The following ZBTB20 variants were observed in gnomAD, a reference collection of about 807,000 sequenced individuals.
ZBTB20 encodes zinc finger and BTB domain containing 20.
In ZBTB20, 9 loss-of-function variants were observed where a neutral mutation model predicts 56.9. That is an observed-to-expected ratio of 0.16 (90% CI 0.10 to 0.28). The LOEUF (loss-of-function observed/expected upper bound fraction) is 0.28. Ranked by LOEUF, ZBTB20 falls within the 10% of genes least tolerant of loss-of-function variation. The probability of loss-of-function intolerance (pLI) is 1.00; values close to 1 mark genes in which losing one functional copy is unlikely to be tolerated. For missense variants in ZBTB20, 655 were observed against 1,003.0 expected, an observed-to-expected ratio of 0.65 and a Z score of 4.69; for synonymous variants, 417 against 420.7, an observed-to-expected ratio of 0.99 and a Z score of 0.11.
At chr3:115,070,769 C>T (rs6796518) in intron 2 of ZBTB20, among the ~76,000 whole-genome samples, 36,459 of 151,738 alleles carry the variant, frequency 0.24, 4,685 homozygotes, top group Middle Eastern at 0.32. Flanking sequence ...CATAAGAAGA[C>T]TCCTACCCAA....
chr3:114,943,973 T>C (rs1297792702), intron 3 of ZBTB20, among the ~76,000 whole-genome samples: 1 of 138,386 alleles, frequency 7.2e-6, no homozygotes, highest in African/African-American at 3.0e-5. Context: ...AAAAAGGCAA[T>C]CTCAAAATAG....
intron 7 of ZBTB20, among the ~76,000 whole-genome samples, chr3:114,498,250 G>T (rs1044767705): frequency 1.3e-5 from 2 of 152,184 alleles, no homozygotes; most frequent in Non-Finnish European, 2.9e-5. Flanking sequence ...AATGGAATGG[G>T]AAATTCTTGG....
chr3:114,501,702 T>C (rs1306458160), intron 6 of ZBTB20, among the ~76,000 whole-genome samples: 5 of 149,754 alleles, frequency 3.3e-5, no homozygotes, highest in African/African-American at 1.2e-4. Context: ...CTTTGTTTTT[T>C]TTTCTTTCTT....
At chr3:114,817,192 TAC>T (rs56294507) in intron 4 of ZBTB20, among the ~76,000 whole-genome samples, 16,438 of 145,632 alleles carry the variant, frequency 0.11, 1,064 homozygotes, top group Non-Finnish European at 0.14. Context: ...ATACAACTTA[TAC>T]ACACACACAC....
rs1249667356 is a variant in ZBTB20 at position 114,325,327 on chromosome 3, G to A, written c.*13678C>T. ...AAGGAGAGCAAGAGCAGAGTAACTAGCCTTTGTTTTCAAAGATTCCCCTAG... is the reference window on the plus strand; with the variant it reads ...AAGGAGAGCAAGAGCAGAGTAACTAACCTTTGTTTTCAAAGATTCCCCTAG... On this transcript the variant is annotated 3_prime_UTR_variant, in exon 12 of 12. Coordinates refer to ENST00000675478, the MANE Select transcript of ZBTB20 (RefSeq NM_001348800.3). The A allele has an allele frequency of 1.3e-5, 2 of 152,100 alleles. No homozygotes were observed. The highest frequency in any genetic ancestry group is 3.2e-3 in the Middle Eastern group (1 of 316). 9.4% of individuals were successfully genotyped at this position (152,100 alleles called of 1,614,324 possible). A position where few individuals can be genotyped will look rare whatever the true frequency, so the allele number is the denominator to read the frequency against.
chr3:114,964,856 G>A (rs1348879449), intron 3 of ZBTB20, among the ~76,000 whole-genome samples: 2 of 152,132 alleles, frequency 1.3e-5, no homozygotes, highest in African/African-American at 4.8e-5. Context: ...GATAAGGTCT[G>A]AATAAATTCC....
At chr3:114,745,438 C>G (rs1242609863) in intron 5 of ZBTB20, among the ~76,000 whole-genome samples, 1 of 152,128 alleles carries the variant, frequency 6.6e-6, no homozygotes, top group African/African-American at 2.4e-5. Context: ...AGGGAAGAGT[C>G]TGTTTAGGAA....
rs570379905 is a variant in ZBTB20 at position 115,020,096 on chromosome 3, CACAACTCT to C, written c.-506-45688_-506-45681del. 5.4e-4 allele frequency among the ~76,000 whole-genome samples: 81 copies of C among 151,272 alleles called. 1 individual carries two copies. The East Asian group carries it at 9.4e-3, about 17-fold the overall frequency. On this transcript the variant is annotated intron_variant, in intron 2 of 11. Coordinates refer to ENST00000675478, the MANE Select transcript of ZBTB20 (RefSeq NM_001348800.3). ...GGAAGAACAAGACATTCCTGGGCAG[CACAACTCT>C]GCGTAGGATTAGTTGCACTTCCTCA...
intron 4 of ZBTB20, among the ~76,000 whole-genome samples, chr3:114,877,294 A>G (rs910821228): frequency 6.6e-6 from 1 of 152,226 alleles, no homozygotes; most frequent in Non-Finnish European, 1.5e-5. Context: ...GCATTGATAA[A>G]GTTTAAAAGG....
intron 7 of ZBTB20, among the ~76,000 whole-genome samples, chr3:114,389,489 ATATT>A (rs1023847762): frequency 6.6e-6 from 1 of 151,170 alleles, no homozygotes; most frequent in African/African-American, 2.4e-5. Context: ...TTCATTTATT[ATATT>A]TATTTATTTT....
At chr3:114,485,698 A>ATTTATATAT (rs1440930150) in intron 7 of ZBTB20, among the ~76,000 whole-genome samples, 1 of 152,086 alleles carries the variant, frequency 6.6e-6, no homozygotes, top group African/African-American at 2.4e-5. Flanking sequence ...AGCCCTCATG[A>ATTTATATAT]ATGGATTTGT....
intron 6 of ZBTB20, among the ~76,000 whole-genome samples, chr3:114,606,958 C>T (rs1164593036): frequency 6.6e-6 from 1 of 151,714 alleles, no homozygotes; most frequent in South Asian, 2.1e-4. Flanking sequence ...ATTAACTGGG[C>T]GTGGTGGTGG....
At chr3:114,597,041 A>T (rs955904163) in intron 6 of ZBTB20, among the ~76,000 whole-genome samples, 2 of 150,158 alleles carry the variant, frequency 1.3e-5, no homozygotes, top group Non-Finnish European at 3.0e-5. Context: ...GCAAATTAAA[A>T]AAATATATAT....
At chr3:114,700,190 C>G (rs1223694142) in intron 5 of ZBTB20, among the ~76,000 whole-genome samples, 2 of 151,906 alleles carry the variant, frequency 1.3e-5, no homozygotes, top group Non-Finnish European at 2.9e-5. Flanking sequence ...CATATATGGC[C>G]CTTCCTGACT....
intron 6 of ZBTB20, among the ~76,000 whole-genome samples, chr3:114,597,335 A>G (rs2056400584): frequency 6.6e-6 from 1 of 152,300 alleles, no homozygotes; most frequent in African/African-American, 2.4e-5. Context: ...ACACATGATA[A>G]CAAAAGTGAG....
intron 6 of ZBTB20, among the ~76,000 whole-genome samples, chr3:114,623,965 A>G (rs1417171473): frequency 1.3e-5 from 2 of 152,180 alleles, no homozygotes; most frequent in African/African-American, 4.8e-5. Context: ...CCCGCTAAAA[A>G]TCTTCATCAT....
At chr3:115,013,904 CTA>C (rs987016551) in intron 2 of ZBTB20, among the ~76,000 whole-genome samples, 3 of 106,332 alleles carry the variant, frequency 2.8e-5, no homozygotes, top group African/African-American at 5.9e-5. Context: ...CCAGCAATCC[CTA>C]TATGTGTGTG....
intron 5 of ZBTB20, among the ~76,000 whole-genome samples, chr3:114,778,524 CT>C (rs1367790113): frequency 6.6e-6 from 1 of 152,054 alleles, no homozygotes; most frequent in Non-Finnish European, 1.5e-5. Context: ...CTCTATGATT[CT>C]TCTTAGCTAT....
At chr3:114,812,595 T>C (rs2072618594) in intron 4 of ZBTB20, among the ~76,000 whole-genome samples, 1 of 152,248 alleles carries the variant, frequency 6.6e-6, no homozygotes, top group Non-Finnish European at 1.5e-5. Flanking sequence ...ATAAAGGCTC[T>C]CCACGTCCCC....
Sources: gnomAD v4.1 joint callset for allele counts (sites outside exome capture counted in the v4.1 genomes callset) on GRCh38, gnomAD v4.1.1 for gene constraint, MANE v1.5 for transcripts, NCBI Gene and HGNC (gene_info 2026-07-23, HGNC 2026-07-21) for gene names.